The following MESD variants were observed in gnomAD, a reference collection of about 807,000 sequenced individuals.
MESD encodes the protein LRP chaperone MESD.
In MESD, 7 loss-of-function variants were observed where a neutral mutation model predicts 12.9. The ratio of observed to expected loss-of-function variants is 0.54; its 90% CI spans 0.31 to 1.02. The LOEUF (loss-of-function observed/expected upper bound fraction) is 1.02. MESD is among the 50% of genes least tolerant of loss of function. The pLI is 0.05. For missense variants in MESD, 342 were observed against 296.7 expected (o/e 1.15, Z -1.12); for synonymous variants, 126 against 115.6 (o/e 1.09, Z -0.58).
At chr15:80,969,856 A>C (rs1430834026) in intron 3 of MESD, among the ~76,000 whole-genome samples, 2 of 152,174 alleles carry the variant, frequency 1.3e-5, no homozygotes, top group Non-Finnish European at 2.9e-5. Context: ...CTCTGTCTTA[A>C]AAAACAACAA....
At chr15:80,983,894 CTTTT>C (rs10570822) in intron 1 of MESD, among the ~76,000 whole-genome samples, 54 of 88,462 alleles carry the variant, frequency 6.1e-4, no homozygotes, top group Admixed American at 5.3e-3. Flanking sequence ...AAAACAGTAA[CTTTT>C]TTTTTTTTTT....
exon 4 of MESD, chr15:80,952,281 G>A (rs1229623756): frequency 2.2e-6 from 1 of 455,668 alleles, no homozygotes; most frequent in Admixed American, 2.4e-5. Flanking sequence ...GGCAGCACTG[G>A]AAGGGGCTCA....
downstream of MESD, among the ~76,000 whole-genome samples, chr15:80,973,734 T>C (rs1470655244): frequency 6.6e-6 from 1 of 152,004 alleles, no homozygotes; most frequent in Non-Finnish European, 1.5e-5. Flanking sequence ...TTATTTAGAA[T>C]GCTCATCTTT....
intron 1 of MESD, among the ~76,000 whole-genome samples, chr15:80,983,614 T>C (rs1902645030): frequency 6.6e-6 from 1 of 152,132 alleles, no homozygotes; most frequent in African/African-American, 2.4e-5. Context: ...GATAAAAATA[T>C]TTAAAAGAGC....
At chr15:80,986,507 A>G (rs112258712) in intron 1 of MESD, among the ~76,000 whole-genome samples, 1 of 152,252 alleles carries the variant, frequency 6.6e-6, no homozygotes, top group African/African-American at 2.4e-5. Flanking sequence ...GTGTAGAAAT[A>G]CAACTCTGTA....
intron 4 of MESD, chr15:80,949,930 G>C (rs1021836520): frequency 1.3e-5 from 2 of 152,258 alleles, no homozygotes; most frequent in Admixed American, 1.3e-4. Flanking sequence ...TGACTACGGG[G>C]TCGCCCTTTG....
chr15:80,975,208 CAA>C (rs1010133981), downstream of MESD, among the ~76,000 whole-genome samples: 8 of 65,254 alleles, frequency 1.2e-4, no homozygotes, highest in Non-Finnish European at 2.1e-4. Flanking sequence ...TCCATTTCTC[CAA>C]AAAAAAAAAA....
At chr15:80,981,203 T>C (rs1272840493) in intron 2 of MESD, among the ~76,000 whole-genome samples, 2 of 151,750 alleles carry the variant, frequency 1.3e-5, no homozygotes, top group Non-Finnish European at 2.9e-5. Flanking sequence ...TTTGGGAGGC[T>C]GAGGCAGGCA....
intron 2 of MESD, among the ~76,000 whole-genome samples, chr15:80,981,313 T>C (rs1019925039): frequency 1.3e-5 from 2 of 151,458 alleles, no homozygotes; most frequent in African/African-American, 4.8e-5. Context: ...GGCAGGTGCC[T>C]GTAGTCCCAG....
At chr15:80,947,854 C>A (rs1439552979) in exon 5 of MESD, 1 of 152,226 alleles carries the variant, frequency 6.6e-6, no homozygotes, top group Non-Finnish European at 1.5e-5. Flanking sequence ...AAGAATTTAA[C>A]AGCCAAGCCA....
chr15:80,961,697 T>C (rs541514938), intron 3 of MESD, among the ~76,000 whole-genome samples: 5 of 152,340 alleles, frequency 3.3e-5, no homozygotes, highest in Admixed American at 1.3e-4. Context: ...TGATGAAAAC[T>C]GTAAAACAAC....
rs780491808 is a variant in MESD, at chr15:80,979,312, CTTTGT to C, written c.607_611del (p.Thr203AlafsTer26). On this transcript the variant is annotated frameshift_variant, in exon 3 of 3. Transcript: ENST00000261758. LOFTEE classifies it low-confidence loss of function (END_TRUNC). ...CCTTCTTTTTTTTGCCCTTGTCTTG[CTTTGT>C]TTTATTTTTCTCTTTGCTTCCTCCT... 1.1e-5 allele frequency: 18 copies of C among 1,613,934 alleles called. No homozygotes were observed. The highest frequency in any genetic ancestry group is 1.4e-5 in the Non-Finnish European group (17 of 1,180,038).
At chr15:80,981,736 T>G (rs573797962) in intron 2 of MESD, among the ~76,000 whole-genome samples, 1 of 152,124 alleles carries the variant, frequency 6.6e-6, no homozygotes, top group East Asian at 1.9e-4. Context: ...GCGCCTGTAG[T>G]TCCAGCTACT....
intron 3 of MESD, chr15:80,953,119 G>C (rs893980581): frequency 1.3e-5 from 6 of 455,676 alleles, no homozygotes; most frequent in Non-Finnish European, 2.6e-5. Context: ...GTGTGGGCTT[G>C]AGAACACCTG....
At chr15:80,989,536 C>G (rs1322943238) in intron 1 of MESD, 43 bp downstream of exon 1, 5 of 1,591,616 alleles carry the variant, frequency 3.1e-6, no homozygotes, top group Admixed American at 3.4e-5. Context: ...GGAACAGGGT[C>G]CCGCACAGAG....
Position 80,976,179 on chromosome 15 carries a change from C to A in MESD, c.*3040G>T, listed in dbSNP as rs891931357. Reference sequence around the variant, plus strand: ...ACACTCGGCTAATTTTTAGTAGAGACAGGGCTTCACCATGTTGGCCAGGCT... The same window carrying A: ...ACACTCGGCTAATTTTTAGTAGAGAAAGGGCTTCACCATGTTGGCCAGGCT... On this transcript the variant is annotated 3_prime_UTR_variant, in exon 3 of 3. Coordinates refer to ENST00000261758, the MANE Select transcript of MESD (RefSeq NM_015154.3). The A allele has an allele frequency of 4.6e-5, 7 of 152,334 alleles. No individual in the cohort carries two copies. The highest frequency in any genetic ancestry group is 1.3e-4 in the Admixed American group (2 of 15,276). 9.4% of individuals were successfully genotyped at this position (152,334 alleles called of 1,614,324 possible).
At position 80,989,772 on chromosome 15, in the gene MESD, G is replaced by A. The variant is rs1893250633; in HGVS notation, c.20C>T (p.Ala7Val). The A allele has an allele frequency of 6.3e-7, 1 of 1,589,936 alleles. No individual in the cohort carries two copies. Among genetic ancestry groups the A allele is most frequent in the Non-Finnish European group, 8.5e-7 (1 of 1,174,846 alleles). Residue 7 changes from alanine to valine, a missense_variant, in exon 1 of 3, where the codon GCG (alanine) becomes GTG (valine). By Grantham distance (64) the Ala-to-Val change is moderately conservative. Coordinates refer to ENST00000261758, the MANE Select transcript of MESD (RefSeq NM_015154.3). ...ACAAAGCAGGACCACGGCCTTGCGCGCCCACCTGGAAGCCGCCATTTTCGC... is the reference window on the plus strand; with the variant it reads ...ACAAAGCAGGACCACGGCCTTGCGCACCCACCTGGAAGCCGCCATTTTCGC... MAASRW[A>V]RKAVVLLCAS...
At chr15:80,989,263 G>C (rs144366907) in intron 1 of MESD, among the ~76,000 whole-genome samples, 1 of 152,190 alleles carries the variant, frequency 6.6e-6, no homozygotes, top group African/African-American at 2.4e-5. Context: ...TCAACGCAAA[G>C]ACAACCAGGG....
chr15:80,947,208 T>C (rs186522437), downstream of MESD: 120 of 645,632 alleles, frequency 1.9e-4, 1 homozygote, highest in East Asian at 9.2e-4. Flanking sequence ...CCCACACAAC[T>C]AGTGGTCTAC....
Sources: gnomAD v4.1 joint callset for allele counts (sites outside exome capture counted in the v4.1 genomes callset) on GRCh38, gnomAD v4.1.1 for gene constraint, MANE v1.5 for transcripts, NCBI Gene and HGNC (gene_info 2026-07-23, HGNC 2026-07-21) for gene names.